Variants in TC2N observed in about 807,000 individuals in gnomAD.
The protein encoded by TC2N is tandem C2 domains nuclear protein.
TC2N carries 51 observed loss-of-function variants against 61.9 expected under a neutral mutation model. The ratio of observed to expected loss-of-function variants is 0.82; its 90% CI spans 0.66 to 1.04. The LOEUF (loss-of-function observed/expected upper bound fraction) is 1.04, where lower values mean the gene tolerates loss of function less well. Among genes scored for constraint, TC2N ranks in the 50% least tolerant of loss-of-function variants. The pLI is 0.00. For synonymous variants in TC2N, 204 were observed against 192.6 expected, an observed-to-expected ratio of 1.06 and a Z score of -0.49; for missense variants, 556 against 566.7, an observed-to-expected ratio of 0.98 and a Z score of 0.19.
At chr14:91,836,534 C>G (rs1050378160) in intron 1 of TC2N, 5 of 84,446 alleles carry the variant, frequency 5.9e-5, no homozygotes, top group Non-Finnish European at 1.4e-4. Context: ...CCCACACCAC[C>G]CACCAGGGCC....
rs550075331 is a variant in TC2N at position 91,830,917 on chromosome 14, G to A, written c.-56-17092C>T. Among the ~76,000 whole-genome samples, 31 of 152,076 alleles carry A rather than the reference G, an allele frequency of 2.0e-4. No homozygotes were observed. The South Asian group carries it at 5.8e-3, about 29-fold the overall frequency. On this transcript the variant is annotated intron_variant, in intron 1 of 11. Transcript: ENST00000435962. ...GTAGAGTGAGTTTTTCGCCCTTCTC[G>A]TGACATCACAGCCCTTTGTGGTCCC...
chr14:91,859,051 G>T (rs552139825), intron 1 of TC2N, among the ~76,000 whole-genome samples: 1 of 152,198 alleles, frequency 6.6e-6, no homozygotes, highest in African/African-American at 2.4e-5. Flanking sequence ...GCCACCTCGG[G>T]ATACTGGGAT....
At chr14:91,804,468 T>C (rs1566769429) in intron 3 of TC2N, among the ~76,000 whole-genome samples, 1 of 152,128 alleles carries the variant, frequency 6.6e-6, no homozygotes, top group Non-Finnish European at 1.5e-5. Flanking sequence ...ATAGATATAG[T>C]ATATACTTAC....
intron 1 of TC2N, among the ~76,000 whole-genome samples, chr14:91,845,428 C>T (rs1888252371): frequency 6.6e-6 from 1 of 152,140 alleles, no homozygotes; most frequent in Non-Finnish European, 1.5e-5. Flanking sequence ...AAAGCTCAAG[C>T]TCCTTTTGTT....
chr14:91,791,515 A>C (rs1595223817), intron 9 of TC2N, among the ~76,000 whole-genome samples: 1 of 150,942 alleles, frequency 6.6e-6, no homozygotes, highest in African/African-American at 2.5e-5. Context: ...TAAACAATTT[A>C]AAAACAGTGT....
At chr14:91,853,651 CA>C (rs1888420317) in intron 1 of TC2N, among the ~76,000 whole-genome samples, 1 of 610 alleles carries the variant, frequency 1.6e-3, no homozygotes, top group African/African-American at 2.7e-3. Flanking sequence ...TTTTAAAGTA[CA>C]CACACACACA....
rs1336400355 is a variant in TC2N, at chr14:91,797,776, G to C, written c.855+9C>G. The C allele has an allele frequency of 3.4e-6, 5 of 1,470,630 alleles. No homozygotes were observed. Among genetic ancestry groups the C allele is most frequent in the Non-Finnish European group, 4.7e-6 (5 of 1,069,818 alleles). 91.1% of individuals were successfully genotyped at this position (1,470,630 alleles called of 1,614,324 possible). ...CAGAAAAGAAATTCAAATACAAACA[G>C]CCACTTACGTTGGAACCTTCCTTGG... On this transcript the variant is annotated intron_variant, in intron 8 of 11. Coordinates refer to ENST00000435962, the MANE Select transcript of TC2N (RefSeq NM_001128596.3).
intron 9 of TC2N, among the ~76,000 whole-genome samples, chr14:91,788,281 C>T (rs1458850356): frequency 6.6e-6 from 1 of 152,154 alleles, no homozygotes; most frequent in African/African-American, 2.4e-5. Context: ...ATGTGTTCTT[C>T]AGTACTGCTG....
intron 1 of TC2N, among the ~76,000 whole-genome samples, chr14:91,820,033 A>T (rs997863806): frequency 6.6e-6 from 1 of 152,184 alleles, no homozygotes; most frequent in Non-Finnish European, 1.5e-5. Context: ...GCAAGATGAT[A>T]GATTTGAACT....
chr14:91,796,051 A>G (rs951699867), intron 8 of TC2N, among the ~76,000 whole-genome samples: 4 of 152,110 alleles, frequency 2.6e-5, no homozygotes, highest in African/African-American at 9.6e-5. Flanking sequence ...GAAAGATTCC[A>G]TACAAGTTTT....
At chr14:91,811,687 T>C (rs767427879) in intron 3 of TC2N, among the ~76,000 whole-genome samples, 35 of 152,120 alleles carry the variant, frequency 2.3e-4, no homozygotes, top group Admixed American at 2.0e-3. Context: ...CTAACTCCTT[T>C]ACTTTTTCAT....
Position 91,864,805 on chromosome 14 carries a change from A to T in TC2N, c.-57+2457T>A, listed in dbSNP as rs1407163621. On this transcript the variant is annotated intron_variant, in intron 1 of 11. Transcript: ENST00000435962. Reference sequence around the variant, plus strand: ...TTTTTTTTTTTTTTTTTTTTGAGACAGACTCTCGCTCTGTTGCCCAGGCTG... The same window carrying T: ...TTTTTTTTTTTTTTTTTTTTGAGACTGACTCTCGCTCTGTTGCCCAGGCTG... 2.3e-5 allele frequency among the ~76,000 whole-genome samples: 3 copies of T among 128,518 alleles called. No individual in the cohort carries two copies. In the East Asian group the frequency reaches 6.8e-4, roughly 29 times the overall value. The allele number at this position is 128,518 out of a possible 152,430, so 84.3% of individuals were successfully genotyped here.
chr14:91,852,901 C>G (rs538736773), intron 1 of TC2N, among the ~76,000 whole-genome samples: 6 of 152,174 alleles, frequency 3.9e-5, no homozygotes, highest in Non-Finnish European at 7.4e-5. Flanking sequence ...GAAACCCCGT[C>G]TCTACTAAAA....
At chr14:91,783,269 G>A in intron 11 of TC2N, 59 bp from the exon 12 acceptor site, 1 of 953,102 alleles carries the variant, frequency 1.0e-6, no homozygotes, top group Non-Finnish European at 1.6e-6. Flanking sequence ...ACTACATTCA[G>A]ACAGTTAGTT....
rs773787044 is a variant in TC2N, at chr14:91,792,506, T to A, written c.908A>T (p.Gln303Leu). 1 of 1,599,248 alleles carries A rather than the reference T, an allele frequency of 6.3e-7. No individual in the cohort carries two copies. The highest frequency in any genetic ancestry group is 1.1e-5 in the South Asian group (1 of 87,834). Residue 303 changes from glutamine to leucine, a missense_variant, in exon 9 of 12, where the codon CAA (glutamine) becomes CTA (leucine). Physicochemically the swap from Gln to Leu is moderately radical, Grantham distance 113. Coordinates refer to ENST00000435962, the MANE Select transcript of TC2N (RefSeq NM_001128596.3). ...AATCTTAAATACAAGTCTTACAGTT[T>A]GTAGATTTTGAAGTTTAATAGCAAA... ...FVFAIKLQNL[Q>L]TVRLVFKIQT...
intron 3 of TC2N, among the ~76,000 whole-genome samples, chr14:91,805,922 C>T (rs556497323): frequency 6.6e-6 from 1 of 152,132 alleles, no homozygotes; most frequent in African/African-American, 2.4e-5. Context: ...TGGCTGTGTC[C>T]CCATCCAAAT....
chr14:91,791,354 T>TCCAGTCA (rs973362996), intron 9 of TC2N, among the ~76,000 whole-genome samples: 2 of 152,140 alleles, frequency 1.3e-5, no homozygotes, highest in Non-Finnish European at 2.9e-5. Flanking sequence ...AAGAAGCACT[T>TCCAGTCA]CCAGTCACCT....
intron 9 of TC2N, among the ~76,000 whole-genome samples, chr14:91,789,031 T>C (rs998772339): frequency 6.6e-6 from 1 of 152,184 alleles, no homozygotes; most frequent in Admixed American, 6.5e-5. Context: ...TTTTAAAAGA[T>C]AGAGTCATAC....
rs775026958 is a variant in TC2N at position 91,798,369 on chromosome 14, T to C, written c.668A>G (p.Asp223Gly). Residue 223 changes from aspartate to glycine, a missense_variant, in exon 7 of 12, where the codon GAC (aspartate) becomes GGC (glycine). Coordinates refer to ENST00000435962, the MANE Select transcript of TC2N (RefSeq NM_001128596.3). ...DTITLSGDER[D>G]FGRLNVKLFY... Reference sequence around the variant, plus strand: ...CAATTTCACATTCAGTCTCCCAAAGTCCCTTTCATCTCCTGATAGAGTAAT... The same window carrying C: ...CAATTTCACATTCAGTCTCCCAAAGCCCCTTTCATCTCCTGATAGAGTAAT... 6.3e-7 allele frequency: 1 copy of C among 1,586,132 alleles called. No individual in the cohort carries two copies. Among genetic ancestry groups the C allele is most frequent in the South Asian group, 1.1e-5 (1 of 88,064 alleles).
Sources: allele counts gnomAD v4.1 joint callset (sites outside exome capture counted in the v4.1 genomes callset), GRCh38; gene constraint gnomAD v4.1.1; transcripts MANE v1.5; gene names NCBI Gene and HGNC (gene_info 2026-07-23, HGNC 2026-07-21).